The following APBA1 variants were observed in gnomAD, a reference collection of about 807,000 sequenced individuals.
The protein encoded by APBA1 is amyloid beta precursor protein binding family A member 1, also known as amyloid-beta A4 precursor protein-binding family A member 1.
Under a neutral mutation model 86.6 loss-of-function variants are expected in APBA1, and 55 were observed. The ratio of observed to expected loss-of-function variants is 0.64; its 90% CI spans 0.51 to 0.80. The LOEUF (loss-of-function observed/expected upper bound fraction) is 0.80, where lower values mean the gene tolerates loss of function less well. APBA1 is among the 30% of genes least tolerant of loss of function. APBA1 has a pLI of 0.00. For synonymous variants in APBA1, 511 were observed against 493.9 expected (o/e 1.03, Z -0.46); for missense variants, 1,090 against 1,183.0 (o/e 0.92, Z 1.15).
chr9:69,472,866 T>C (rs1835386987), intron 3 of APBA1, among the ~76,000 whole-genome samples: 2 of 152,172 alleles, frequency 1.3e-5, no homozygotes, highest in South Asian at 4.1e-4. Flanking sequence ...GATGATAACT[T>C]GGTTAATACT....
At chr9:69,653,154 A>G (rs1823540716) in intron 1 of APBA1, among the ~76,000 whole-genome samples, 1 of 152,240 alleles carries the variant, frequency 6.6e-6, no homozygotes, top group African/African-American at 2.4e-5. Context: ...AGGAGTAGTT[A>G]TACCTATGTT....
At chr9:69,553,190 C>T (rs1836813905) in intron 1 of APBA1, among the ~76,000 whole-genome samples, 1 of 152,168 alleles carries the variant, frequency 6.6e-6, no homozygotes, top group South Asian at 2.1e-4. Context: ...AGCCACCATG[C>T]CCAGCTGGCA....
intron 3 of APBA1, among the ~76,000 whole-genome samples, chr9:69,473,210 C>T (rs1161116131): frequency 2.6e-5 from 4 of 152,130 alleles, no homozygotes; most frequent in African/African-American, 4.8e-5. Context: ...CAGTGCTTTA[C>T]GTTAATTTTA....
At chr9:69,598,816 A>T (rs941959460) in intron 1 of APBA1, among the ~76,000 whole-genome samples, 6 of 152,222 alleles carry the variant, frequency 3.9e-5, no homozygotes, top group Non-Finnish European at 8.8e-5. Flanking sequence ...TCCGCCATGA[A>T]GGAAGATTCT....
At chr9:69,614,392 T>G (rs1219460292) in intron 1 of APBA1, among the ~76,000 whole-genome samples, 1 of 152,232 alleles carries the variant, frequency 6.6e-6, no homozygotes, top group Non-Finnish European at 1.5e-5. Context: ...TGTCAAATGA[T>G]AAGTGATGCT....
At chr9:69,601,121 A>G (rs1342059544) in intron 1 of APBA1, among the ~76,000 whole-genome samples, 1 of 152,148 alleles carries the variant, frequency 6.6e-6, no homozygotes, top group Non-Finnish European at 1.5e-5. Context: ...GGCTATTGAG[A>G]TCATTTGTTT....
At chr9:69,605,504 G>A (rs147071777) in intron 1 of APBA1, among the ~76,000 whole-genome samples, 89 of 152,236 alleles carry the variant, frequency 5.8e-4, no homozygotes, top group East Asian at 5.0e-3. Flanking sequence ...ATGGCATATC[G>A]TGTGATGACT....
chr9:69,624,987 A>G (rs188132992), intron 1 of APBA1, among the ~76,000 whole-genome samples: 2 of 152,166 alleles, frequency 1.3e-5, no homozygotes. Flanking sequence ...CAGCCTGCTA[A>G]TAGGTTTCTT....
chr9:69,658,282 T>TCTCTC (rs1823665826), intron 1 of APBA1, among the ~76,000 whole-genome samples: 1 of 39,790 alleles, frequency 2.5e-5, no homozygotes, highest in Admixed American at 3.3e-4. Flanking sequence ...CTTTCTTTCT[T>TCTCTC]TCTCTCTCTC....
chr9:69,648,510 C>T (rs1295838689), intron 1 of APBA1, among the ~76,000 whole-genome samples: 1 of 152,142 alleles, frequency 6.6e-6, no homozygotes, highest in Admixed American at 6.5e-5. Flanking sequence ...GCCATAGAGC[C>T]AATTCTCTTT....
intron 1 of APBA1, among the ~76,000 whole-genome samples, chr9:69,626,123 T>A (rs1822923030): frequency 6.6e-6 from 1 of 152,192 alleles, no homozygotes; most frequent in South Asian, 2.1e-4. Context: ...TAGAATCAGC[T>A]GCTAGATTCT....
chr9:69,519,249 G>A (rs1389916240), intron 1 of APBA1, among the ~76,000 whole-genome samples: 1 of 152,192 alleles, frequency 6.6e-6, no homozygotes, highest in Non-Finnish European at 1.5e-5. Context: ...AGATCATGAG[G>A]CATTAGTTAG....
At chr9:69,458,024 G>T in intron 6 of APBA1, 132 bp downstream of exon 6, 1 of 886,762 alleles carries the variant, frequency 1.1e-6, no homozygotes, top group Non-Finnish European at 1.7e-6. Flanking sequence ...CTTATGGGGC[G>T]GTTCAAAAAG....
chr9:69,650,084 G>A (rs1823468228), intron 1 of APBA1, among the ~76,000 whole-genome samples: 1 of 152,186 alleles, frequency 6.6e-6, no homozygotes, highest in African/African-American at 2.4e-5. Context: ...GTTACAGGCA[G>A]TGTGGTATAC....
chr9:69,510,661 A>T (rs2133881969), intron 2 of APBA1, among the ~76,000 whole-genome samples: 1 of 143,128 alleles, frequency 7.0e-6, no homozygotes, highest in Middle Eastern at 3.4e-3. Context: ...ACGCTACCTG[A>T]CTTCAAACTA....
At chr9:69,530,017 G>A (rs1255068262) in intron 1 of APBA1, among the ~76,000 whole-genome samples, 8 of 152,066 alleles carry the variant, frequency 5.3e-5, no homozygotes, top group Non-Finnish European at 1.2e-4. Flanking sequence ...ACATGTAGGC[G>A]TGGATGTGGA....
chr9:69,642,912 T>C (rs946952451), intron 1 of APBA1, among the ~76,000 whole-genome samples: 8 of 151,926 alleles, frequency 5.3e-5, no homozygotes, highest in Non-Finnish European at 1.2e-4. Context: ...TCTGTGGATT[T>C]TGGACTTACC....
intron 1 of APBA1, among the ~76,000 whole-genome samples, chr9:69,597,273 T>A (rs1266100562): frequency 3.3e-5 from 5 of 152,256 alleles, no homozygotes; most frequent in Non-Finnish European, 7.3e-5. Context: ...CCAGTGATGA[T>A]AAGCATGTTT....
At chr9:69,571,606 C>A (rs1047987023) in intron 1 of APBA1, among the ~76,000 whole-genome samples, 1 of 152,064 alleles carries the variant, frequency 6.6e-6, no homozygotes, top group East Asian at 1.9e-4. Context: ...TAAATTATTA[C>A]TTTTCTGAAT....
Sources: gnomAD v4.1 joint callset for allele counts (sites outside exome capture counted in the v4.1 genomes callset) on GRCh38, gnomAD v4.1.1 for gene constraint, MANE v1.5 for transcripts, NCBI Gene and HGNC (gene_info 2026-07-23, HGNC 2026-07-21) for gene names.